ROCK1: variants seen among roughly 807,000 people sequenced by gnomAD.
ROCK1 encodes Rho associated coiled-coil containing protein kinase 1, also known as rho-associated protein kinase 1.
A neutral mutation model predicts 196.8 loss-of-function variants in ROCK1; 36 were observed. The observed-to-expected ratio is 0.18, with a 90% confidence interval of 0.14 to 0.24. ROCK1 has a LOEUF of 0.24. Ranked by LOEUF, ROCK1 falls within the 10% of genes least tolerant of loss-of-function variation. The pLI is 1.00. For synonymous variants in ROCK1, 443 were observed against 515.9 expected (o/e 0.86, Z 1.91); for missense variants, 920 against 1,562.0 (o/e 0.59, Z 6.93).
At chr18:21,066,176 C>T (rs2036332748) in intron 2 of ROCK1, among the ~76,000 whole-genome samples, 1 of 152,048 alleles carries the variant, frequency 6.6e-6, no homozygotes, top group African/African-American at 2.4e-5. Context: ...AAATCTATTG[C>T]TCTGTGTGAA....
At position 21,011,747 on chromosome 18, in the gene ROCK1, C is replaced by A. The variant is rs375273507; in HGVS notation, c.1411-3553G>T. 1.7e-4 allele frequency among the ~76,000 whole-genome samples: 26 copies of A among 152,222 alleles called. No homozygotes were observed. The East Asian group carries it at 4.8e-3, about 28-fold the overall frequency. Reference sequence around the variant, plus strand: ...CTGGGATTACAGACATGAGCCACCACACTTGACCTAAAAACTTTACCTTTC... The same window carrying A: ...CTGGGATTACAGACATGAGCCACCAAACTTGACCTAAAAACTTTACCTTTC... On this transcript the variant is annotated intron_variant, in intron 13 of 32. Transcript: ENST00000399799.
At position 20,991,167 on chromosome 18, in the gene ROCK1, G is replaced by T; in HGVS notation, c.2143+9C>A. On this transcript the variant is annotated intron_variant, in intron 18 of 32. Coordinates refer to ENST00000399799, the MANE Select transcript of ROCK1 (RefSeq NM_005406.3). ...TCAATTTTGTAAAAATATTAAAACT[G>T]ACACTTACCACACATTGCCACAGAC... 6.4e-7 allele frequency: 1 copy of T among 1,572,934 alleles called. No individual in the cohort carries two copies. Among genetic ancestry groups the T allele is most frequent in the South Asian group, 1.2e-5 (1 of 83,768 alleles).
chr18:21,099,357 C>CA (rs1473387924), intron 1 of ROCK1, among the ~76,000 whole-genome samples: 5 of 151,088 alleles, frequency 3.3e-5, no homozygotes, highest in Admixed American at 1.3e-4. Context: ...AATGTCAAAT[C>CA]AAAAAAAAGA....
chr18:21,091,613 T>A, intron 1 of ROCK1, among the ~76,000 whole-genome samples: 1 of 151,772 alleles, frequency 6.6e-6, no homozygotes, highest in Non-Finnish European at 1.5e-5. Flanking sequence ...AAAAATTAAA[T>A]AACTATGTAC....
At chr18:21,008,986 C>T (rs1307793844) in intron 13 of ROCK1, among the ~76,000 whole-genome samples, 1 of 152,138 alleles carries the variant, frequency 6.6e-6, no homozygotes, top group South Asian at 2.1e-4. Flanking sequence ...ACCACCACAA[C>T]GAAGATACAG....
At chr18:21,028,666 T>C in intron 10 of ROCK1, 110 bp downstream of exon 10, 3 of 890,484 alleles carry the variant, frequency 3.4e-6, no homozygotes, top group Non-Finnish European at 5.0e-6. Context: ...AAAAATTGCA[T>C]AATAAGGTGT....
At chr18:21,044,301 A>G in intron 5 of ROCK1, 115 bp from the exon 6 acceptor site, 1 of 662,636 alleles carries the variant, frequency 1.5e-6, no homozygotes, top group East Asian at 2.6e-5. Context: ...GCCATCTTTG[A>G]TCTGTATGTG....
chr18:21,050,818 A>T (rs1361935867), intron 2 of ROCK1, among the ~76,000 whole-genome samples: 1 of 152,238 alleles, frequency 6.6e-6, no homozygotes, highest in Non-Finnish European at 1.5e-5. Flanking sequence ...ATCCACTGCA[A>T]GATGCACCAG....
chr18:20,968,703 GA>G, intron 25 of ROCK1, 68 bp downstream of exon 25: 2 of 922,758 alleles, frequency 2.2e-6, no homozygotes, highest in East Asian at 4.9e-5. Flanking sequence ...TTGGTTTTAG[GA>G]AAAAGTGCAT....
At position 21,035,206 on chromosome 18, in the gene ROCK1, C is replaced by T. The variant is rs114267321; in HGVS notation, c.1051+4266G>A. ...GTGCACTGCCGTTGGGAATGTGAAA[C>T]GGTGCAAACATTGTGGATACTATTA... On this transcript the variant is annotated intron_variant, in intron 9 of 32. Transcript: ENST00000399799. Among the ~76,000 whole-genome samples the T allele has an allele frequency of 8.1e-3, 1,236 of 152,278 alleles. 20 individuals are homozygous for T. The highest frequency in any genetic ancestry group is 0.027 in the African/African-American group (1,111 of 41,558).
intron 1 of ROCK1, among the ~76,000 whole-genome samples, chr18:21,073,063 CAAAAAAAAAAAAAAAAAAAA>C (rs541290068): frequency 9.2e-4 from 30 of 32,746 alleles, no homozygotes; most frequent in East Asian, 3.4e-3. Flanking sequence ...ACTCCGTCTC[CAAAAAAAAAAAAAAAAAAAA>C]AAAAAAAAAA....
chr18:21,016,229 G>A (rs2035862016), intron 12 of ROCK1, among the ~76,000 whole-genome samples: 1 of 152,124 alleles, frequency 6.6e-6, no homozygotes, highest in South Asian at 2.1e-4. Context: ...TGCTGCCTAT[G>A]CTCAGAATTG....
At chr18:20,978,701 A>G (rs1161399587) in intron 22 of ROCK1, among the ~76,000 whole-genome samples, 3 of 152,318 alleles carry the variant, frequency 2.0e-5, no homozygotes, top group Admixed American at 2.0e-4. Context: ...CTGAGGGAAC[A>G]TCTACAGGAC....
At position 21,044,082 on chromosome 18, in the gene ROCK1, T is replaced by C; in HGVS notation, c.675+20A>G. On this transcript the variant is annotated intron_variant, in intron 6 of 32. Transcript: ENST00000399799. ...CTACCTTGAATTAGCAAAAACTAAATTAAAATCTAGTTAATTAACCTTATT... is the reference window on the plus strand; with the variant it reads ...CTACCTTGAATTAGCAAAAACTAAACTAAAATCTAGTTAATTAACCTTATT... The C allele has an allele frequency of 2.7e-6, 4 of 1,478,186 alleles. No homozygotes were observed. The highest frequency in any genetic ancestry group is 3.7e-6 in the Non-Finnish European group (4 of 1,067,434). 91.6% of individuals were successfully genotyped at this position (1,478,186 alleles called of 1,614,324 possible).
chr18:20,984,544 G>C lies in ROCK1; in HGVS notation c.2305-9C>G. 1.3e-6 allele frequency: 2 copies of C among 1,576,716 alleles called. No homozygotes were observed. Among genetic ancestry groups the C allele is most frequent in the Non-Finnish European group, 1.7e-6 (2 of 1,166,864 alleles). On this transcript the variant is annotated splice_polypyrimidine_tract_variant and intron_variant, in intron 19 of 32. Coordinates refer to ENST00000399799, the MANE Select transcript of ROCK1 (RefSeq NM_005406.3). ...AGGGTTAGATTCTTAACCTATGAAT[G>C]AGAAAAATAATTGGGATCTTAAATC...
At chr18:20,989,509 T>G (rs2035605258) in intron 18 of ROCK1, among the ~76,000 whole-genome samples, 1 of 152,198 alleles carries the variant, frequency 6.6e-6, no homozygotes, top group South Asian at 2.1e-4. Flanking sequence ...ATTTTTTAAT[T>G]TTTTTCTATA....
At chr18:20,992,324 T>A (rs1396039530) in intron 17 of ROCK1, among the ~76,000 whole-genome samples, 1 of 152,234 alleles carries the variant, frequency 6.6e-6, no homozygotes, top group Non-Finnish European at 1.5e-5. Context: ...CTCTATATCA[T>A]CTATTTAACT....
chr18:20,957,440 T>C (rs2035253782), intron 29 of ROCK1, among the ~76,000 whole-genome samples: 1 of 152,036 alleles, frequency 6.6e-6, no homozygotes, highest in South Asian at 2.1e-4. Flanking sequence ...ATCTTGGCAA[T>C]AGAAATCAGA....
chr18:20,954,486 G>C (rs934904182), intron 31 of ROCK1, among the ~76,000 whole-genome samples: 1 of 152,012 alleles, frequency 6.6e-6, no homozygotes, highest in African/African-American at 2.4e-5. Flanking sequence ...TGAGATAGGA[G>C]AATCACTTGA....
Sources: allele counts gnomAD v4.1 joint callset (sites outside exome capture counted in the v4.1 genomes callset), GRCh38; gene constraint gnomAD v4.1.1; transcripts MANE v1.5; gene names NCBI Gene and HGNC (gene_info 2026-07-23, HGNC 2026-07-21).